Variants in COL11A2 observed in about 807,000 individuals in gnomAD.
COL11A2 encodes the protein collagen alpha-2(XI) chain.
Under a neutral mutation model 273.4 loss-of-function variants are expected in COL11A2, and 116 were observed. The ratio of observed to expected loss-of-function variants is 0.42; its 90% CI spans 0.36 to 0.49. COL11A2 has a LOEUF of 0.49. Among genes scored for constraint, COL11A2 ranks in the 20% least tolerant of loss-of-function variants. The pLI is 0.00. For synonymous variants in COL11A2, 782 were observed against 864.2 expected (o/e 0.90, Z 1.67); for missense variants, 1,866 against 2,309.0 (o/e 0.81, Z 3.93).
chr6:33,189,125 G>A lies in COL11A2; in HGVS notation c.296C>T (p.Pro99Leu). ...CTGGGCACTGTAGAGAGTCAGGAGG[G>A]GAGCTTGGAGACCAGGGCGGGTCCG... The part of the protein sequence containing the change: ...VVRTRPGLQA[P>L]LLTLYSAQGV... Residue 99 changes from proline to leucine, a missense_variant, in exon 3 of 66, where the codon CCC becomes CTC. Coordinates refer to ENST00000341947, the MANE Select transcript of COL11A2 (RefSeq NM_080680.3). The surrounding 1 kb of genome is among the most constrained non-coding windows in gnomAD (Gnocchi z 5.6). The A allele has an allele frequency of 1.2e-6, 2 of 1,614,104 alleles. No individual in the cohort carries two copies. Among genetic ancestry groups the A allele is most frequent in the Non-Finnish European group, 1.7e-6 (2 of 1,179,960 alleles).
chr6:33,180,164 C>T, intron 12 of COL11A2, 94 bp downstream of exon 12: 3 of 1,264,344 alleles, frequency 2.4e-6, no homozygotes, highest in Admixed American at 1.7e-5. Flanking sequence ...TTAGAGACTC[C>T]TCCATATCTT....
At chr6:33,182,415 CTAAG>C in intron 8 of COL11A2, among the ~76,000 whole-genome samples, 1 of 151,988 alleles carries the variant, frequency 6.6e-6, no homozygotes, top group East Asian at 1.9e-4. Context: ...CATCCATACT[CTAAG>C]TAAATTTGGA....
chr6:33,173,941 G>A lies in COL11A2; in HGVS notation c.2530-15C>T, dbSNP rs780074539. ...CCCCGTGGACCCTACAGAGGGAAGA[G>A]GAGTTGTCAGAGAAACCCAAATGCC... is the stretch of plus-strand genomic sequence containing the variant. On this transcript the variant is annotated splice_polypyrimidine_tract_variant and intron_variant, in intron 33 of 65. Transcript: ENST00000341947. This position sits in a 1 kb window ranked among gnomAD's most constrained non-coding sequence, Gnocchi z 6.3. The A allele has an allele frequency of 3.1e-6, 5 of 1,613,986 alleles. No individual in the cohort carries two copies. Among genetic ancestry groups the A allele is most frequent in the Admixed American group, 1.7e-5 (1 of 60,004 alleles).
intron 9 of COL11A2, 51 bp downstream of exon 9, chr6:33,181,060 A>T: frequency 6.2e-7 from 1 of 1,614,040 alleles, no homozygotes; most frequent in Non-Finnish European, 8.5e-7. Context: ...ACTCAACCCC[A>T]CTTGCTTCTC....
chr6:33,172,562 G>A lies in COL11A2; in HGVS notation c.2866C>T (p.Leu956=), dbSNP rs1317082977. The change falls in exon 39 of 66, where the codon CTA becomes TTA. Residue 956 remains leucine (L), a synonymous_variant. Coordinates refer to ENST00000341947, the MANE Select transcript of COL11A2 (RefSeq NM_080680.3). The stretch of plus-strand genomic sequence containing the variant: ...CCTTCTTTTCCAGCTGTCCCAGGTA[G>A]TCCCTGCTCTCCAGGGGGCCCCGGG... ...GPPGPPGEQG[L]PGTAGKEGTK... is the part of the protein sequence containing the mutation. The A allele has an allele frequency of 6.2e-7, 1 of 1,612,284 alleles. No individual in the cohort carries two copies. The highest frequency in any genetic ancestry group is 1.7e-5 in the Admixed American group (1 of 59,976).
chr6:33,163,441 C>CT lies in COL11A2; in HGVS notation c.*236dup, dbSNP rs1768623710. On this transcript the variant is annotated 3_prime_UTR_variant, in exon 66 of 66. Transcript: ENST00000341947. The surrounding 1 kb of genome is among the most constrained non-coding windows in gnomAD (Gnocchi z 4.1). ...AGTTTTAAATAAGGGTCTCAGCTCTCTAACGGGTAACAGGCTCCAGGTGGG... is the reference window on the plus strand; with the variant it reads ...AGTTTTAAATAAGGGTCTCAGCTCTCTTAACGGGTAACAGGCTCCAGGTGGG... The CT allele has an allele frequency of 1.6e-6, 1 of 607,434 alleles. No individual in the cohort carries two copies. The highest frequency in any genetic ancestry group is 2.9e-5 in the Admixed American group (1 of 33,934). The allele number at this position is 607,434 out of a possible 1,614,324, so 37.6% of individuals were successfully genotyped here. A position where few individuals can be genotyped will look rare whatever the true frequency, so the allele number is the denominator to read the frequency against.
At chr6:33,182,104 G>A (rs17215154) in intron 8 of COL11A2, among the ~76,000 whole-genome samples, 229 of 151,948 alleles carry the variant, frequency 1.5e-3, no homozygotes, top group Non-Finnish European at 2.4e-3. Context: ...GTGCAACCCC[G>A]TCTCTAATAA....
At position 33,177,050 on chromosome 6, in the gene COL11A2, A is replaced by C. The variant is rs200523422; in HGVS notation, c.2017-5T>G. 6.9e-4 allele frequency: 1,112 copies of C among 1,612,408 alleles called. 18 individuals are homozygous for C. In the South Asian group the frequency reaches 8.5e-3, roughly 12 times the overall value. On this transcript the variant is annotated splice_region_variant and splice_polypyrimidine_tract_variant and intron_variant, in intron 24 of 65. Coordinates refer to ENST00000341947, the MANE Select transcript of COL11A2 (RefSeq NM_080680.3). This position sits in a 1 kb window ranked among gnomAD's most constrained non-coding sequence, Gnocchi z 5.9. ...CCCTGGCTTCCCTTGAGGACCCTGC[A>C]GGAAGACAAAGAGGCTCAGGGTCAC...
At chr6:33,172,986 T>G (rs1177330093) in intron 38 of COL11A2, 74 bp downstream of exon 38, 1 of 1,499,370 alleles carries the variant, frequency 6.7e-7, no homozygotes, top group Non-Finnish European at 9.2e-7. Flanking sequence ...GGCAGGGGCG[T>G]GTGACCGAGA....
Position 33,180,304 on chromosome 6 carries a change from C to T in COL11A2, c.1313G>A (p.Gly438Glu). 1 of 1,612,926 alleles carries T rather than the reference C, an allele frequency of 6.2e-7. No homozygotes were observed. The highest frequency in any genetic ancestry group is 8.5e-7 in the Non-Finnish European group (1 of 1,180,018). Reference protein sequence around the residue: ...RGPPGRAGLPGSDGAPGPPGT... With the variant: ...RGPPGRAGLPESDGAPGPPGT... ...AGGAGGACCAGGAGCCCCATCTGATCCAGGGAGCCCTGCTCGGCCAGGGGG... is the reference window on the plus strand; with the variant it reads ...AGGAGGACCAGGAGCCCCATCTGATTCAGGGAGCCCTGCTCGGCCAGGGGG... The change falls in exon 12 of 66, where the codon GGA becomes GAA. Residue 438 changes from glycine to glutamate, a missense_variant. Gly to Glu is a moderately conservative substitution (Grantham distance 98). Coordinates refer to ENST00000341947, the MANE Select transcript of COL11A2 (RefSeq NM_080680.3).
intron 8 of COL11A2, among the ~76,000 whole-genome samples, chr6:33,182,765 G>A (rs1465669562): frequency 1.3e-5 from 2 of 151,548 alleles, no homozygotes; most frequent in Non-Finnish European, 2.9e-5. Flanking sequence ...CCTTCCTCTG[G>A]CCCTCAAGTA....
At position 33,167,651 on chromosome 6, in the gene COL11A2, C is replaced by T. The variant is rs1769364445; in HGVS notation, c.4015-118G>A. ...AGGAAGGGCCAAACTCTAGGAGCCC[C>T]TAGCGCAGGAACAAGTACAGGGAAC... On this transcript the variant is annotated intron_variant, in intron 55 of 65. Transcript: ENST00000341947. The surrounding 1 kb of genome is among the most constrained non-coding windows in gnomAD (Gnocchi z 6.1). 5.5e-6 allele frequency: 8 copies of T among 1,458,782 alleles called. No individual in the cohort carries two copies. The Admixed American group carries it at 1.5e-4, about 28-fold the overall frequency. The allele number at this position is 1,458,782 out of a possible 1,614,324, so 90.4% of individuals were successfully genotyped here.
Position 33,177,433 on chromosome 6 carries a change from T to C in COL11A2, c.1950A>G (p.Gln650=). 1 of 1,612,948 alleles carries C rather than the reference T, an allele frequency of 6.2e-7. No individual in the cohort carries two copies. The highest frequency in any genetic ancestry group is 8.5e-7 in the Non-Finnish European group (1 of 1,179,960). ...TCACCTGGGTCCCAGGGGTGCCCTG[T>C]TGTCCAGGAGGTCCTGGCTCTCCCT... ...GPQGEPGPPG[Q]QGTPGTQGLP... is the part of the protein sequence containing the mutation. Residue 650 remains glutamine (Q), a synonymous_variant, in exon 23 of 66, where the codon CAA becomes CAG. Coordinates refer to ENST00000341947, the MANE Select transcript of COL11A2 (RefSeq NM_080680.3). The surrounding 1 kb of genome is among the most constrained non-coding windows in gnomAD (Gnocchi z 5.9).
intron 6 of COL11A2, 86 bp from the exon 7 acceptor site, chr6:33,185,140 TC>T: frequency 1.0e-6 from 1 of 975,100 alleles, no homozygotes; most frequent in East Asian, 2.6e-5. Context: ...GCAGCACCTG[TC>T]CCCCGAGGGC....
Position 33,172,330 on chromosome 6 carries a change from G to A in COL11A2, c.2947C>T (p.Leu983=). The change falls in exon 40 of 66, where the codon CTG becomes TTG. Residue 983 remains leucine, a synonymous_variant. Coordinates refer to ENST00000341947, the MANE Select transcript of COL11A2 (RefSeq NM_080680.3). ...CCTCTCTCTCCTGGGAATCCCCTCA[G>A]ACCAGCAGGACCATCCTTCCCTGGG... ...GAPGKDGPAG[L]RGFPGERGLP... is the part of the protein sequence containing the mutation. 1 of 1,589,112 alleles carries A rather than the reference G, an allele frequency of 6.3e-7. No homozygotes were observed. The highest frequency in any genetic ancestry group is 8.6e-7 in the Non-Finnish European group (1 of 1,168,580).
Position 33,192,172 on chromosome 6 carries a change from G to C in COL11A2, c.69C>G (p.Ala23=). The stretch of plus-strand genomic sequence containing the variant: ...GACTCCTCTTACCTGCCCAGCCTGG[G>C]GCCGCGCTCAGCCCCAGCACCAGAG... The part of the protein sequence containing the change: ...LLPLVLGLSA[A]PGWAGAPPVD... The change falls in exon 1 of 66, where the codon GCC becomes GCG. Residue 23 remains alanine (A), a synonymous_variant. Transcript: ENST00000341947. 1 of 1,559,990 alleles carries C rather than the reference G, an allele frequency of 6.4e-7. No homozygotes were observed.
chr6:33,169,111 C>T lies in COL11A2; in HGVS notation c.3799-103G>A. On this transcript the variant is annotated intron_variant, in intron 51 of 65. Transcript: ENST00000341947. The surrounding 1 kb of genome is among the most constrained non-coding windows in gnomAD (Gnocchi z 5.5). ...ACTGCCTCTCTAGAGGCAGTGCCCA[C>T]CAGTACCCCCCAGGAAGAGGTCTCC... 1.8e-6 allele frequency: 2 copies of T among 1,130,576 alleles called. No individual in the cohort carries two copies. Among genetic ancestry groups the T allele is most frequent in the Admixed American group, 2.4e-5 (1 of 41,978 alleles). The allele number at this position is 1,130,576 out of a possible 1,614,324, so 70.0% of individuals were successfully genotyped here.
intron 32 of COL11A2, 36 bp downstream of exon 32, chr6:33,174,129 C>A: frequency 6.2e-7 from 1 of 1,606,980 alleles, no homozygotes; most frequent in East Asian, 2.3e-5. Context: ...CCTCTCCAGC[C>A]CTTCCCTTCT....
At position 33,179,363 on chromosome 6, in the gene COL11A2, C is replaced by A; in HGVS notation, c.1503+68G>T. On this transcript the variant is annotated intron_variant, in intron 14 of 65. Transcript: ENST00000341947. The surrounding 1 kb of genome is among the most constrained non-coding windows in gnomAD (Gnocchi z 6.4). The stretch of plus-strand genomic sequence containing the variant: ...TCGGAGTGTTCCCCAAAAGAAGCCC[C>A]TTTCCAGAACTATCCACACCCCACA... The A allele has an allele frequency of 6.4e-7, 1 of 1,571,780 alleles. No individual in the cohort carries two copies. Among genetic ancestry groups the A allele is most frequent in the Non-Finnish European group, 8.6e-7 (1 of 1,158,554 alleles).
Sources: allele counts gnomAD v4.1 joint callset (sites outside exome capture counted in the v4.1 genomes callset), GRCh38; gene constraint gnomAD v4.1.1; non-coding constraint Gnocchi (gnomAD v3.1); transcripts MANE v1.5; gene names NCBI Gene and HGNC (gene_info 2026-07-23, HGNC 2026-07-21).